ATP8B4: variants seen among roughly 807,000 people sequenced by gnomAD.
ATP8B4 encodes ATPase phospholipid transporting 8B4 (putative).
Under a neutral mutation model 145.6 loss-of-function variants are expected in ATP8B4, and 133 were observed. That is an observed-to-expected ratio of 0.91 (90% CI 0.79 to 1.05). The LOEUF (loss-of-function observed/expected upper bound fraction) is 1.05. Among genes scored for constraint, ATP8B4 ranks in the 50% least tolerant of loss-of-function variants. ATP8B4 has a pLI of 0.00. For synonymous variants in ATP8B4, 507 were observed against 492.9 expected, an observed-to-expected ratio of 1.03 and a Z score of -0.38; for missense variants, 1,458 against 1,425.2, an observed-to-expected ratio of 1.02 and a Z score of -0.37.
At chr15:49,942,821 T>A (rs1439854438) in intron 14 of ATP8B4, among the ~76,000 whole-genome samples, 1 of 151,552 alleles carries the variant, frequency 6.6e-6, no homozygotes, top group Non-Finnish European at 1.5e-5. Context: ...CAAGACTCCA[T>A]CTCAAAAAAA....
intron 3 of ATP8B4, among the ~76,000 whole-genome samples, chr15:50,067,091 C>T (rs1340259420): frequency 6.6e-6 from 1 of 151,982 alleles, no homozygotes; most frequent in Non-Finnish European, 1.5e-5. Context: ...CACCCCATAC[C>T]TCACATTTAG....
Position 50,028,720 on chromosome 15 carries a change from T to C in ATP8B4, c.362+10048A>G, listed in dbSNP as rs937926149. ...TATAGTAGGTTGGTGCAAAAGTAAT[T>C]GTGGAATAACTTTTACTTTTGCACC... On this transcript the variant is annotated intron_variant, in intron 6 of 27. Transcript: ENST00000284509. Among the ~76,000 whole-genome samples, 60 of 152,224 alleles carry C rather than the reference T, an allele frequency of 3.9e-4. 1 individual carries two copies. The highest frequency in any genetic ancestry group is 1.4e-3 in the African/African-American group (58 of 41,532).
At chr15:50,018,889 A>G in intron 6 of ATP8B4, 1 of 1,217,118 alleles carries the variant, frequency 8.2e-7, no homozygotes. Context: ...TGTCACTTAC[A>G]TTTTTCTCAG....
intron 14 of ATP8B4, among the ~76,000 whole-genome samples, chr15:49,948,482 A>G (rs1365651851): frequency 1.3e-5 from 2 of 152,110 alleles, no homozygotes; most frequent in Admixed American, 1.3e-4. Context: ...GAAATAATCA[A>G]CAGAGTGAAA....
chr15:50,127,568 G>A (rs2057315502), intron 1 of ATP8B4, among the ~76,000 whole-genome samples: 1 of 152,184 alleles, frequency 6.6e-6, no homozygotes, highest in African/African-American at 2.4e-5. Context: ...CAAGAATTGA[G>A]TCATGGAGGC....
At chr15:50,159,449 T>C (rs2044482886) in intron 1 of ATP8B4, among the ~76,000 whole-genome samples, 1 of 152,216 alleles carries the variant, frequency 6.6e-6, no homozygotes, top group Non-Finnish European at 1.5e-5. Flanking sequence ...ACAAGTATAA[T>C]TTGACTTCTT....
rs1459908239 is a variant in ATP8B4, at chr15:49,979,757, C to A, written c.894G>T (p.Trp298Cys). ...TGAATTGGTCCCCAGTTTGACTCTC[C>A]CAGATTGAATTTCCTATTGCAAGAA... ...GIILAIGNSI[W>C]ESQTGDQFRT... The change falls in exon 12 of 28, where the codon TGG (tryptophan) becomes TGT (cysteine). Residue 298 changes from tryptophan to cysteine, a missense_variant. Trp to Cys is a radical substitution (Grantham distance 215, BLOSUM62 -2). Transcript: ENST00000284509. 1 of 1,609,472 alleles carries A rather than the reference C, an allele frequency of 6.2e-7. No individual in the cohort carries two copies. Among genetic ancestry groups the A allele is most frequent in the East Asian group, 2.2e-5 (1 of 44,792 alleles).
intron 19 of ATP8B4, among the ~76,000 whole-genome samples, chr15:49,917,485 T>C (rs2039858927): frequency 6.6e-6 from 1 of 151,788 alleles, no homozygotes; most frequent in South Asian, 2.1e-4. Context: ...AAATGTTCAG[T>C]TGAATGACAA....
Position 49,916,911 on chromosome 15 carries a change from T to C in ATP8B4, c.2141+23A>G, listed in dbSNP as rs144604567. 5.4e-5 allele frequency: 87 copies of C among 1,601,520 alleles called. No individual in the cohort carries two copies. In the East Asian group the frequency reaches 1.9e-3, roughly 35 times the overall value. On this transcript the variant is annotated intron_variant, in intron 20 of 27. Transcript: ENST00000284509. ...TCCCTCCCTCTCGTCCTTCCATCCT[T>C]TCCTCCTTCCTTCAACACCTACCTG...
At chr15:50,032,612 A>G (rs771670030) in intron 6 of ATP8B4, among the ~76,000 whole-genome samples, 3 of 152,230 alleles carry the variant, frequency 2.0e-5, no homozygotes, top group Non-Finnish European at 2.9e-5. Context: ...TCAAGAAATT[A>G]TATTTTAAAA....
intron 3 of ATP8B4, among the ~76,000 whole-genome samples, chr15:50,066,405 C>G (rs1432291567): frequency 1.3e-5 from 2 of 152,140 alleles, no homozygotes; most frequent in African/African-American, 4.8e-5. Context: ...CTTTCCATGA[C>G]TAATTCCAAC....
At chr15:49,974,855 G>A (rs188019811) in intron 12 of ATP8B4, among the ~76,000 whole-genome samples, 48 of 152,232 alleles carry the variant, frequency 3.2e-4, no homozygotes, top group Admixed American at 6.5e-4. Context: ...GATGCTTTCT[G>A]TGTCACAAAT....
intron 2 of ATP8B4, among the ~76,000 whole-genome samples, chr15:50,087,604 C>G (rs933754385): frequency 1.3e-5 from 2 of 151,560 alleles, no homozygotes; most frequent in Non-Finnish European, 2.9e-5. Context: ...ATTAGAATTC[C>G]TGTGCTTTTG....
In ATP8B4 at chr15:49,866,436, A is replaced by C. The variant is rs929707500; in HGVS notation, c.3076T>G (p.Trp1026Gly). Reference protein sequence around the residue: ...YWTFINHVFIWGSIAIYFSIL... With the variant: ...YWTFINHVFIGGSIAIYFSIL... ...GAGAAATAAATGGCAATGCTCCCCC[A>C]GATGAAGACGTGATTAATGAAAGTC... The change falls in exon 26 of 28, where the codon TGG (tryptophan) becomes GGG (glycine). Residue 1026 changes from tryptophan (W) to glycine (G), a missense_variant. Coordinates refer to ENST00000284509, the MANE Select transcript of ATP8B4 (RefSeq NM_024837.4). The C allele has an allele frequency of 1.9e-6, 3 of 1,613,722 alleles. No individual in the cohort carries two copies. Among genetic ancestry groups the C allele is most frequent in the South Asian group, 2.2e-5 (2 of 91,084 alleles).
rs573590435 is a variant in ATP8B4 at position 49,922,279 on chromosome 15, A to T, written c.1758+1100T>A. The T allele has an allele frequency of 2.2e-4, 51 of 232,532 alleles. No individual in the cohort carries two copies. In the South Asian group the frequency reaches 2.3e-3, roughly 10 times the overall value. The allele number at this position is 232,532 out of a possible 1,614,324, so 14.4% of individuals were successfully genotyped here. On this transcript the variant is annotated intron_variant, in intron 17 of 27. Coordinates refer to ENST00000284509, the MANE Select transcript of ATP8B4 (RefSeq NM_024837.4). ...AAAAAGACCAAATTAGGTTTCCTAT[A>T]GTTTAGTATTAAAGGAGAATGTATG...
intron 2 of ATP8B4, among the ~76,000 whole-genome samples, chr15:50,083,259 C>G (rs1257100455): frequency 6.6e-6 from 1 of 152,102 alleles, no homozygotes; most frequent in Admixed American, 6.6e-5. Context: ...TACTCCTGTT[C>G]AAAACTGACT....
chr15:50,040,806 A>G (rs1225859897), intron 5 of ATP8B4, among the ~76,000 whole-genome samples: 1 of 152,162 alleles, frequency 6.6e-6, no homozygotes, highest in African/African-American at 2.4e-5. Flanking sequence ...CTTATTGACA[A>G]TTTCTCCTCT....
At chr15:49,867,222 T>C (rs988426407) in intron 25 of ATP8B4, among the ~76,000 whole-genome samples, 5 of 152,216 alleles carry the variant, frequency 3.3e-5, no homozygotes, top group Non-Finnish European at 7.3e-5. Context: ...TTGCATCTCA[T>C]AGTTCCCAAG....
chr15:49,942,363 A>G (rs1599305867), intron 14 of ATP8B4, among the ~76,000 whole-genome samples: 1 of 152,078 alleles, frequency 6.6e-6, no homozygotes, highest in African/African-American at 2.4e-5. Flanking sequence ...AAAAAGGAAA[A>G]TTGGATGAAG....
Sources: gnomAD v4.1 joint callset for allele counts (sites outside exome capture counted in the v4.1 genomes callset) on GRCh38, gnomAD v4.1.1 for gene constraint, MANE v1.5 for transcripts, NCBI Gene and HGNC (gene_info 2026-07-23, HGNC 2026-07-21) for gene names.